The following UPP2 variants were observed in gnomAD, a reference collection of about 807,000 sequenced individuals.
UPP2 encodes uridine phosphorylase 2.
UPP2 carries 23 observed loss-of-function variants against 26.7 expected under a neutral mutation model. That is an observed-to-expected ratio of 0.86 (90% CI 0.62 to 1.22). The LOEUF (loss-of-function observed/expected upper bound fraction) is 1.22, where lower values mean the gene tolerates loss of function less well. UPP2 is among the 50% of genes most tolerant of loss of function. The pLI is 0.00. For synonymous variants in UPP2, 127 were observed against 141.3 expected, an observed-to-expected ratio of 0.90 and a Z score of 0.72; for missense variants, 387 against 396.7, an observed-to-expected ratio of 0.98 and a Z score of 0.21.
intron 3 of UPP2, among the ~76,000 whole-genome samples, chr2:158,024,441 G>C (rs1683803699): frequency 6.6e-6 from 1 of 152,120 alleles, no homozygotes; most frequent in South Asian, 2.1e-4. Flanking sequence ...ATTAGCAGTA[G>C]GGCCCCAACG....
intron 3 of UPP2, among the ~76,000 whole-genome samples, chr2:158,090,624 T>C: frequency 6.6e-6 from 1 of 152,256 alleles, no homozygotes; most frequent in East Asian, 1.9e-4. Flanking sequence ...TTCTAATTTT[T>C]TGCAATATTA....
At chr2:158,033,004 T>C (rs1337421827) in intron 3 of UPP2, among the ~76,000 whole-genome samples, 1 of 152,104 alleles carries the variant, frequency 6.6e-6, no homozygotes, top group Non-Finnish European at 1.5e-5. Flanking sequence ...TTACCAGTAT[T>C]GGCCTACCCA....
At chr2:158,053,592 G>A (rs1235480631) in intron 3 of UPP2, among the ~76,000 whole-genome samples, 1 of 152,154 alleles carries the variant, frequency 6.6e-6, no homozygotes, top group Non-Finnish European at 1.5e-5. Context: ...ATGGATGGAT[G>A]GATGGAAGGA....
intron 3 of UPP2, among the ~76,000 whole-genome samples, chr2:158,054,642 A>C (rs958100627): frequency 6.6e-6 from 1 of 152,152 alleles, no homozygotes; most frequent in Admixed American, 6.5e-5. Context: ...TTGCTGGGAG[A>C]CTAGTTTTGC....
upstream of UPP2, among the ~76,000 whole-genome samples, chr2:158,098,985 A>T (rs1683030159): frequency 6.6e-6 from 1 of 152,222 alleles, no homozygotes; most frequent in Non-Finnish European, 1.5e-5. Context: ...TAACCTATGT[A>T]TTGGAAAATA....
chr2:158,089,402 G>A (rs1196304421), intron 3 of UPP2, among the ~76,000 whole-genome samples: 1 of 152,168 alleles, frequency 6.6e-6, no homozygotes, highest in Non-Finnish European at 1.5e-5. Flanking sequence ...CAGGCTACCA[G>A]CCTCCTGGTT....
chr2:158,123,447 C>T (rs768938859), intron 5 of UPP2, among the ~76,000 whole-genome samples: 51 of 152,290 alleles, frequency 3.3e-4, no homozygotes, highest in Non-Finnish European at 3.2e-4. Flanking sequence ...ACAGCAACCC[C>T]CCGCTTCCTG....
chr2:158,010,729 C>T (rs1683562198), intron 2 of UPP2, among the ~76,000 whole-genome samples: 1 of 151,740 alleles, frequency 6.6e-6, no homozygotes, highest in Admixed American at 6.6e-5. Context: ...CAATGAGTTC[C>T]CTCCAATGAG....
chr2:158,057,356 G>A (rs1457580328), intron 3 of UPP2, among the ~76,000 whole-genome samples: 1 of 152,160 alleles, frequency 6.6e-6, no homozygotes, highest in Non-Finnish European at 1.5e-5. Flanking sequence ...CAATTCATCT[G>A]TGTGGAAGAT....
At chr2:157,995,181 G>T (rs964723063) in exon 2 of UPP2, 24 of 1,613,444 alleles carry the variant, frequency 1.5e-5, no homozygotes, top group Non-Finnish European at 1.9e-5. Flanking sequence ...TATTCCTAGG[G>T]ACTTCACCAG....
chr2:158,034,600 C>A (rs1332370452), intron 3 of UPP2, among the ~76,000 whole-genome samples: 1 of 152,140 alleles, frequency 6.6e-6, no homozygotes. Flanking sequence ...AAATTGAAGT[C>A]CATTTCCTTC....
chr2:158,071,058 C>T (rs1682531562), intron 3 of UPP2, among the ~76,000 whole-genome samples: 1 of 152,158 alleles, frequency 6.6e-6, no homozygotes, highest in Non-Finnish European at 1.5e-5. Flanking sequence ...TCACCAAGGG[C>T]TAAAGTGCTC....
chr2:158,102,252 G>T, intron 1 of UPP2, 127 bp downstream of exon 1: 1 of 918,322 alleles, frequency 1.1e-6, no homozygotes, highest in Non-Finnish European at 1.5e-6. Flanking sequence ...TATATCACTG[G>T]ATGCAGCTCA....
At chr2:158,065,831 T>G (rs753258101) in intron 3 of UPP2, 1 of 685,300 alleles carries the variant, frequency 1.5e-6, no homozygotes, top group Non-Finnish European at 2.7e-6. Flanking sequence ...ATAAAGAACC[T>G]CATTGTTGTA....
At chr2:158,124,279 G>A (rs999252975) in intron 6 of UPP2, among the ~76,000 whole-genome samples, 2 of 152,152 alleles carry the variant, frequency 1.3e-5, no homozygotes, top group Non-Finnish European at 2.9e-5. Context: ...GGGAAGGATG[G>A]GAGAAGAATG....
At chr2:158,093,274 A>G (rs1438251742) in intron 3 of UPP2, among the ~76,000 whole-genome samples, 1 of 85,058 alleles carries the variant, frequency 1.2e-5, no homozygotes, top group Non-Finnish European at 3.0e-5. Context: ...AGAAACATAC[A>G]CACACACACA....
Position 158,121,573 on chromosome 2 carries a change from C to A in UPP2, c.619C>A (p.Pro207Thr). The A allele has an allele frequency of 2.5e-6, 4 of 1,613,506 alleles. No individual in the cohort carries two copies. Among genetic ancestry groups the A allele is most frequent in the Non-Finnish European group, 3.4e-6 (4 of 1,179,496 alleles). Reference protein sequence around the residue: ...FNCSKEIPNFPTLVGHTMCTY... With the variant: ...FNCSKEIPNFTTLVGHTMCTY... ...CTGTAGCAAAGAAATCCCCAACTTC[C>A]CAACCCTCGTTGGACATACAATGTG... Residue 207 changes from proline (P) to threonine (T), a missense_variant, in exon 5 of 7, where the codon CCA (proline) becomes ACA (threonine). By Grantham distance (38) the Pro-to-Thr change is conservative. Coordinates refer to ENST00000005756, the MANE Select transcript of UPP2 (RefSeq NM_173355.4).
chr2:158,024,507 C>A (rs1356689226), intron 3 of UPP2, among the ~76,000 whole-genome samples: 1 of 152,184 alleles, frequency 6.6e-6, no homozygotes, highest in African/African-American at 2.4e-5. Context: ...AGGTGGCCAC[C>A]TTCGGCGTCA....
intron 6 of UPP2, among the ~76,000 whole-genome samples, chr2:158,132,019 G>A (rs1283338133): frequency 6.6e-6 from 1 of 152,208 alleles, no homozygotes; most frequent in African/African-American, 2.4e-5. Flanking sequence ...TTCTGCCAAA[G>A]TGAAGGATTA....
Sources: allele counts gnomAD v4.1 joint callset (sites outside exome capture counted in the v4.1 genomes callset), GRCh38; gene constraint gnomAD v4.1.1; transcripts MANE v1.5; gene names NCBI Gene and HGNC (gene_info 2026-07-23, HGNC 2026-07-21).